MROH2B: variants seen among roughly 807,000 people sequenced by gnomAD.
MROH2B encodes the protein maestro heat-like repeat-containing protein family member 2B.
A neutral mutation model predicts 208.6 loss-of-function variants in MROH2B; 177 were observed. That is an observed-to-expected ratio of 0.85 (90% CI 0.75 to 0.96). The LOEUF (loss-of-function observed/expected upper bound fraction) is 0.96. MROH2B is among the 40% of genes least tolerant of loss of function. The pLI, the probability that MROH2B is intolerant of heterozygous loss-of-function variation, is 0.00. For synonymous variants in MROH2B, 728 were observed against 659.0 expected (o/e 1.10, Z -1.60); for missense variants, 2,002 against 1,878.7 (o/e 1.07, Z -1.21).
chr5:41,037,134 T>C (rs1742791991), intron 21 of MROH2B, among the ~76,000 whole-genome samples: 1 of 152,150 alleles, frequency 6.6e-6, no homozygotes, highest in Non-Finnish European at 1.5e-5. Context: ...GCAATTGTTT[T>C]ATTTATTTAT....
chr5:41,017,018 C>T lies in MROH2B; in HGVS notation c.2884+832G>A, dbSNP rs1993033. Among the ~76,000 whole-genome samples, 80 of 152,156 alleles carry T rather than the reference C, an allele frequency of 5.3e-4. 1 individual carries two copies. The East Asian group carries it at 0.011, about 22-fold the overall frequency. On this transcript the variant is annotated intron_variant, in intron 28 of 41. Coordinates refer to ENST00000399564, the MANE Select transcript of MROH2B (RefSeq NM_173489.5). ...ATTGGAACTGCAATATCTCTGTGTCCCCAGCATTAGAACAGTGCCTGACAC... is the reference window on the plus strand; with the variant it reads ...ATTGGAACTGCAATATCTCTGTGTCTCCAGCATTAGAACAGTGCCTGACAC...
chr5:41,029,390 G>T (rs980175409), intron 24 of MROH2B, among the ~76,000 whole-genome samples: 2 of 151,980 alleles, frequency 1.3e-5, no homozygotes, highest in African/African-American at 2.4e-5. Flanking sequence ...CAGATACATG[G>T]TTTGCAAACA....
chr5:41,064,764 G>A lies in MROH2B; in HGVS notation c.362-194C>T, dbSNP rs560149721. Among the ~76,000 whole-genome samples, 62 of 152,284 alleles carry A rather than the reference G, an allele frequency of 4.1e-4. 1 individual carries two copies. The highest frequency in any genetic ancestry group is 1.4e-3 in the African/African-American group (59 of 41,562). ...GCTGTAGTTAGATAATCAAGGAAGGGCTGGTTGAAAATAAGGTTCTAGCTA... is the reference window on the plus strand; with the variant it reads ...GCTGTAGTTAGATAATCAAGGAAGGACTGGTTGAAAATAAGGTTCTAGCTA... On this transcript the variant is annotated intron_variant, in intron 4 of 41. Coordinates refer to ENST00000399564, the MANE Select transcript of MROH2B (RefSeq NM_173489.5).
chr5:41,047,744 G>A lies in MROH2B; in HGVS notation c.1705C>T (p.Leu569=), dbSNP rs773873404. The A allele has an allele frequency of 6.3e-7, 1 of 1,594,236 alleles. No homozygotes were observed. The highest frequency in any genetic ancestry group is 8.6e-7 in the Non-Finnish European group (1 of 1,169,420). ...ACCTGAAGCAGCATGGTTTCCCATA[G>A]AACGGTACTGATGTTCTTTCCTAGA... ...PLEGKNISTV[L]WETMLLQLLK... The change falls in exon 17 of 42, where the codon CTA becomes TTA. Residue 569 remains leucine, a synonymous_variant. Coordinates refer to ENST00000399564, the MANE Select transcript of MROH2B (RefSeq NM_173489.5).
intron 7 of MROH2B, 130 bp from the exon 8 acceptor site, chr5:41,057,490 G>A (rs1743495816): frequency 1.5e-6 from 1 of 646,710 alleles, no homozygotes; most frequent in African/African-American, 1.8e-5. Context: ...AAGTTTTCTT[G>A]AATGATTCTG....
chr5:41,060,197 G>A (rs116208325), intron 6 of MROH2B, among the ~76,000 whole-genome samples: 1,699 of 152,142 alleles, frequency 0.011, 32 homozygotes, highest in African/African-American at 0.039. Flanking sequence ...TCAGTTCCAC[G>A]AACACTATGT....
At chr5:41,063,713 T>C (rs1475152104) in intron 5 of MROH2B, among the ~76,000 whole-genome samples, 1 of 152,126 alleles carries the variant, frequency 6.6e-6, no homozygotes, top group East Asian at 1.9e-4. Flanking sequence ...TATTCTGATG[T>C]TTTTAGAGTT....
Position 41,055,722 on chromosome 5 carries a change from G to T in MROH2B, c.1033+20C>A. ...TCTTGGCATGAAATAAACCATGTTG[G>T]CTTCAACCCTCTTGCTTACCATCAG... On this transcript the variant is annotated intron_variant, in intron 10 of 41. Coordinates refer to ENST00000399564, the MANE Select transcript of MROH2B (RefSeq NM_173489.5). 6.3e-7 allele frequency: 1 copy of T among 1,582,906 alleles called. No individual in the cohort carries two copies.
chr5:41,026,120 T>G (rs1742351359), intron 24 of MROH2B, among the ~76,000 whole-genome samples: 1 of 152,122 alleles, frequency 6.6e-6, no homozygotes, highest in Admixed American at 6.5e-5. Flanking sequence ...CTTTGAAAAG[T>G]GGCACAAGAC....
chr5:41,013,901 G>A lies in MROH2B; in HGVS notation c.2983-1166C>T, dbSNP rs147428957. On this transcript the variant is annotated intron_variant, in intron 29 of 41. Coordinates refer to ENST00000399564, the MANE Select transcript of MROH2B (RefSeq NM_173489.5). Reference sequence around the variant, plus strand: ...ACAGCCACCTTCCTTGTTTCTAATTGCCTCATTTGATAGCTGGAGTCTTGC... The same window carrying A: ...ACAGCCACCTTCCTTGTTTCTAATTACCTCATTTGATAGCTGGAGTCTTGC... Among the ~76,000 whole-genome samples the A allele has an allele frequency of 5.6e-3, 855 of 152,144 alleles. 6 individuals carry two copies. The highest frequency in any genetic ancestry group is 0.017 in the African/African-American group (716 of 41,490).
Position 41,018,685 on chromosome 5 carries a change from A to G in MROH2B, c.2673+6T>C, listed in dbSNP as rs767438415. The G allele has an allele frequency of 6.2e-7, 1 of 1,613,216 alleles. No homozygotes were observed. Among genetic ancestry groups the G allele is most frequent in the Admixed American group, 1.7e-5 (1 of 59,936 alleles). Reference sequence around the variant, plus strand: ...GAGAATCAGTTTGAGTGGAGGCTCTACTCACATTAAACATTTCTTGACAGT... The same window carrying G: ...GAGAATCAGTTTGAGTGGAGGCTCTGCTCACATTAAACATTTCTTGACAGT... On this transcript the variant is annotated splice_donor_region_variant and intron_variant, in intron 26 of 41. Coordinates refer to ENST00000399564, the MANE Select transcript of MROH2B (RefSeq NM_173489.5).
Position 41,055,618 on chromosome 5 carries a change from A to G in MROH2B, c.1033+124T>C, listed in dbSNP as rs376914109. ...GATTGTGGAAGATTAAGAAGACAGA[A>G]TTTCATTTGCACGTGATGTTATATA... On this transcript the variant is annotated intron_variant, in intron 10 of 41. Coordinates refer to ENST00000399564, the MANE Select transcript of MROH2B (RefSeq NM_173489.5). 2.2e-4 allele frequency: 141 copies of G among 636,030 alleles called. 1 individual carries two copies. The South Asian group carries it at 2.9e-3, about 13-fold the overall frequency. 39.4% of individuals were successfully genotyped at this position (636,030 alleles called of 1,614,324 possible). A position where few individuals can be genotyped will look rare whatever the true frequency, so the allele number is the denominator to read the frequency against.
In MROH2B at chr5:41,039,525, C is replaced by A; in HGVS notation, c.1984G>T (p.Glu662Ter). 1 of 1,605,454 alleles carries A rather than the reference C, an allele frequency of 6.2e-7. No homozygotes were observed. The highest frequency in any genetic ancestry group is 1.1e-5 in the South Asian group (1 of 89,122). The part of the protein sequence containing the change: ...GITSILGYCA[E>*]NHLDIVLKVL... ...TTTAAAACAATATCCAAATGGTTCTCGGCACAGTATCCTAAAATAGATGTT... is the reference window on the plus strand; with the variant it reads ...TTTAAAACAATATCCAAATGGTTCTAGGCACAGTATCCTAAAATAGATGTT... The change falls in exon 20 of 42, where the codon GAG (glutamate) becomes TAG (stop). Residue 662 changes from glutamate (E) to a stop codon, truncating the protein, a stop_gained. Coordinates refer to ENST00000399564, the MANE Select transcript of MROH2B (RefSeq NM_173489.5). LOFTEE classifies it high-confidence loss of function.
chr5:41,007,578 G>A (rs1741637084), intron 33 of MROH2B, 124 bp from the exon 34 acceptor site: 1 of 911,666 alleles, frequency 1.1e-6, no homozygotes. Context: ...GTTGTGTAAG[G>A]GAAAAACAGG....
chr5:41,069,432 C>T (rs1252565775), intron 2 of MROH2B, among the ~76,000 whole-genome samples: 1 of 152,158 alleles, frequency 6.6e-6, no homozygotes, highest in Non-Finnish European at 1.5e-5. Flanking sequence ...ATACACCTTT[C>T]AACATCTGCC....
At chr5:41,064,648 A>T in intron 4 of MROH2B, 78 bp from the exon 5 acceptor site, 1 of 1,115,718 alleles carries the variant, frequency 9.0e-7, no homozygotes, top group Non-Finnish European at 1.3e-6. Context: ...AATCAACAAG[A>T]AGCATTTCAG....
Position 41,000,351 on chromosome 5 carries a change from C to T in MROH2B, c.4351G>A (p.Ala1451Thr). 6.2e-7 allele frequency: 1 copy of T among 1,612,756 alleles called. No homozygotes were observed. The highest frequency in any genetic ancestry group is 8.5e-7 in the Non-Finnish European group (1 of 1,179,508). ...LWDPNPKIGV[A>T]CRDVLMVCIP... ...CAGACCATCAAGACATCACGGCAAG[C>T]CTGGAAAACAGAGTTTTCTGCATCA... The change falls in exon 39 of 42, where the codon GCT (alanine) becomes ACT (threonine). Residue 1451 changes from alanine to threonine, a missense_variant and splice_region_variant. By Grantham distance (58) the Ala-to-Thr change is moderately conservative. Coordinates refer to ENST00000399564, the MANE Select transcript of MROH2B (RefSeq NM_173489.5).
rs534115678 is a variant in MROH2B at position 41,047,750 on chromosome 5, T to A, written c.1699A>T (p.Thr567Ser). ...AGCAGCATGGTTTCCCATAGAACGG[T>A]ACTGATGTTCTTTCCTAGAAACAAA... ...LQPLEGKNIS[T>S]VLWETMLLQL... Residue 567 changes from threonine to serine, a missense_variant, in exon 17 of 42, where the codon ACC (threonine) becomes TCC (serine). Coordinates refer to ENST00000399564, the MANE Select transcript of MROH2B (RefSeq NM_173489.5). 6.3e-7 allele frequency: 1 copy of A among 1,593,214 alleles called. No homozygotes were observed. Among genetic ancestry groups the A allele is most frequent in the Non-Finnish European group, 8.6e-7 (1 of 1,168,872 alleles).
chr5:41,007,811 C>A (rs1250596537), intron 33 of MROH2B, among the ~76,000 whole-genome samples: 1 of 152,224 alleles, frequency 6.6e-6, no homozygotes, highest in Non-Finnish European at 1.5e-5. Flanking sequence ...CTTGGCCAGA[C>A]AGTACTTGTG....
Sources: allele counts gnomAD v4.1 joint callset (sites outside exome capture counted in the v4.1 genomes callset), GRCh38; gene constraint gnomAD v4.1.1; transcripts MANE v1.5; gene names NCBI Gene and HGNC (gene_info 2026-07-23, HGNC 2026-07-21).